The following PDS5A variants were observed in gnomAD, a reference collection of about 807,000 sequenced individuals.
PDS5A encodes the protein sister chromatid cohesion protein PDS5 homolog A.
Under a neutral mutation model 167.1 loss-of-function variants are expected in PDS5A, and 42 were observed. That is an observed-to-expected ratio of 0.25 (90% CI 0.20 to 0.33). The LOEUF (loss-of-function observed/expected upper bound fraction) is 0.33, where lower values mean the gene tolerates loss of function less well. Among genes scored for constraint, PDS5A ranks in the 10% least tolerant of loss-of-function variants. PDS5A has a pLI of 1.00. For missense variants in PDS5A, 1,033 were observed against 1,605.9 expected, an observed-to-expected ratio of 0.64 and a Z score of 6.10; for synonymous variants, 553 against 554.6, an observed-to-expected ratio of 1.00 and a Z score of 0.04.
At chr4:39,850,445 C>A (rs1310855485) in intron 26 of PDS5A, among the ~76,000 whole-genome samples, 1 of 151,968 alleles carries the variant, frequency 6.6e-6, no homozygotes, top group Admixed American at 6.6e-5. Context: ...CACTGCACTC[C>A]AGCCTGGGCA....
At position 39,898,804 on chromosome 4, in the gene PDS5A, T is replaced by C. The variant is rs1722635460; in HGVS notation, c.1603A>G (p.Met535Val). 6.3e-7 allele frequency: 1 copy of C among 1,592,408 alleles called. No individual in the cohort carries two copies. Among genetic ancestry groups the C allele is most frequent in the Non-Finnish European group, 8.6e-7 (1 of 1,166,876 alleles). Residue 535 changes from methionine (M) to valine (V), a missense_variant, in exon 15 of 33, where the codon ATG becomes GTG. Physicochemically the swap from Met to Val is conservative, Grantham distance 21. Transcript: ENST00000303538. ...QPTSEANCSAMFGKLMTIAKN... is the reference protein window; with the variant it reads ...QPTSEANCSAVFGKLMTIAKN... ...GCTATGGTCATCAGTTTTCCAAACA[T>C]GGCAGAACAGTTAGCCTCTGACTGA... is the stretch of plus-strand genomic sequence containing the variant.
chr4:39,878,318 G>A (rs1007720930), intron 18 of PDS5A, among the ~76,000 whole-genome samples: 9 of 152,206 alleles, frequency 5.9e-5, no homozygotes, highest in African/African-American at 9.6e-5. Context: ...TCTACTGGCC[G>A]GGCGCGGTGG....
In PDS5A at chr4:39,898,542, A is replaced by G. The variant is rs1179688811; in HGVS notation, c.1631-14T>C. On this transcript the variant is annotated splice_polypyrimidine_tract_variant and intron_variant, in intron 15 of 32. Transcript: ENST00000303538. ...CAGGCAAATTCTCTATAAAATTAAA[A>G]GAGAATCAATATTAGAGAAGGAAAA... 2 of 1,498,082 alleles carry G rather than the reference A, an allele frequency of 1.3e-6. No individual in the cohort carries two copies. Among genetic ancestry groups the G allele is most frequent in the Non-Finnish European group, 1.8e-6 (2 of 1,111,544 alleles). 92.8% of individuals were successfully genotyped at this position (1,498,082 alleles called of 1,614,324 possible).
intron 16 of PDS5A, among the ~76,000 whole-genome samples, chr4:39,891,695 A>C (rs564899826): frequency 3.4e-4 from 51 of 152,220 alleles, no homozygotes; most frequent in Admixed American, 2.0e-3. Context: ...TATACTTGCA[A>C]AATTTTTCAG....
chr4:39,852,155 T>G (rs979404430), intron 26 of PDS5A, among the ~76,000 whole-genome samples: 1 of 152,180 alleles, frequency 6.6e-6, no homozygotes, highest in Non-Finnish European at 1.5e-5. Flanking sequence ...CTATCTAACA[T>G]GAACCAATTG....
intron 2 of PDS5A, among the ~76,000 whole-genome samples, chr4:39,968,435 T>A (rs1418739393): frequency 1.4e-5 from 2 of 144,452 alleles, no homozygotes; most frequent in African/African-American, 2.6e-5. Flanking sequence ...TAATATTAAT[T>A]TTTTTTTTTT....
At chr4:39,906,542 TA>T (rs1447737591) in intron 11 of PDS5A, among the ~76,000 whole-genome samples, 5 of 149,318 alleles carry the variant, frequency 3.3e-5, no homozygotes, top group South Asian at 2.1e-4. Context: ...AAGGAGACCA[TA>T]AAAACTTAGA....
chr4:39,931,655 T>C (rs922118673), intron 2 of PDS5A, among the ~76,000 whole-genome samples: 1 of 152,104 alleles, frequency 6.6e-6, no homozygotes, highest in Non-Finnish European at 1.5e-5. Flanking sequence ...AGAGAGCAAA[T>C]ATGAAGTGGC....
chr4:39,925,400 T>A (rs1017767105), intron 5 of PDS5A, among the ~76,000 whole-genome samples: 42 of 152,180 alleles, frequency 2.8e-4, no homozygotes, highest in African/African-American at 1.0e-3. Flanking sequence ...GCTTAAAGAC[T>A]GAGCTATTAC....
At chr4:39,875,321 T>C (rs1019412995) in intron 19 of PDS5A, among the ~76,000 whole-genome samples, 3 of 152,290 alleles carry the variant, frequency 2.0e-5, no homozygotes, top group South Asian at 2.1e-4. Context: ...AAAGTATATA[T>C]ATCAAATGTT....
chr4:39,910,020 A>G (rs973704540), intron 10 of PDS5A: 2 of 376,754 alleles, frequency 5.3e-6, no homozygotes, highest in Non-Finnish European at 4.8e-6. Context: ...ACTTGAGCCC[A>G]GGAGTGAAAG....
chr4:39,882,174 A>G (rs931245038), intron 17 of PDS5A, among the ~76,000 whole-genome samples: 13 of 152,164 alleles, frequency 8.5e-5, no homozygotes, highest in African/African-American at 3.1e-4. Context: ...AAATGTAAAA[A>G]TCTGAATTTG....
intron 18 of PDS5A, among the ~76,000 whole-genome samples, 164 bp from the exon 19 acceptor site, chr4:39,877,317 A>AATCAGACATT (rs5857703): frequency 0.99 from 150,388 of 152,224 alleles, 74,294 homozygotes; most frequent in East Asian, 1. Context: ...AGTTATGGCT[A>AATCAGACATT]ATCAGAAATA....
intron 26 of PDS5A, among the ~76,000 whole-genome samples, chr4:39,850,752 A>G (rs34679344): frequency 0.22 from 33,642 of 152,230 alleles, 4,716 homozygotes; most frequent in Middle Eastern, 0.33. Flanking sequence ...TTCATTTAAC[A>G]CATTGTGTCT....
intron 13 of PDS5A, among the ~76,000 whole-genome samples, chr4:39,901,658 C>T (rs1175727135): frequency 1.3e-5 from 2 of 152,128 alleles, no homozygotes; most frequent in Non-Finnish European, 1.5e-5. Flanking sequence ...AATTCTCTCT[C>T]TTTTTTAAGA....
At chr4:39,912,367 T>C (rs1411758186) in intron 9 of PDS5A, among the ~76,000 whole-genome samples, 3 of 152,220 alleles carry the variant, frequency 2.0e-5, no homozygotes, top group African/African-American at 4.8e-5. Context: ...CAAAAAATAT[T>C]TGATGTCCAT....
At chr4:39,954,670 TAAAAAAAA>T (rs777287409) in intron 2 of PDS5A, among the ~76,000 whole-genome samples, 26 of 48,282 alleles carry the variant, frequency 5.4e-4, no homozygotes, top group East Asian at 5.3e-3. Flanking sequence ...AAGAGATAAG[TAAAAAAAA>T]AAAAAAAAAA....
Position 39,877,159 on chromosome 4 carries a change from A to G in PDS5A, c.1993-6T>C. On this transcript the variant is annotated splice_region_variant and splice_polypyrimidine_tract_variant and intron_variant, in intron 18 of 32. Transcript: ENST00000303538. ...GGATGTGTAAAAGACAGAACCTGAA[A>G]AAACAGATACAGCTTTAGAAGTACA... 1.3e-6 allele frequency: 2 copies of G among 1,539,236 alleles called. No homozygotes were observed. The highest frequency in any genetic ancestry group is 2.0e-5 in the Admixed American group (1 of 49,836).
rs200378698 is a variant in PDS5A, at chr4:39,909,053, A to C, written c.1088-513T>G. On this transcript the variant is annotated intron_variant, in intron 10 of 32. Transcript: ENST00000303538. ...CGCCCTGTATCAAAAAATAAAATAAAATAAAATAAAATAAAATAAAATAAA... is the reference window on the plus strand; with the variant it reads ...CGCCCTGTATCAAAAAATAAAATAACATAAAATAAAATAAAATAAAATAAA... 2.0e-3 allele frequency among the ~76,000 whole-genome samples: 236 copies of C among 118,104 alleles called. 1 individual carries two copies. The highest frequency in any genetic ancestry group is 2.5e-3 in the East Asian group (8 of 3,154). The allele number at this position is 118,104 out of a possible 152,430, so 77.5% of individuals were successfully genotyped here. A position where few individuals can be genotyped will look rare whatever the true frequency, so the allele number is the denominator to read the frequency against.
Sources: gnomAD v4.1 joint callset for allele counts (sites outside exome capture counted in the v4.1 genomes callset) on GRCh38, gnomAD v4.1.1 for gene constraint, MANE v1.5 for transcripts, NCBI Gene and HGNC (gene_info 2026-07-23, HGNC 2026-07-21) for gene names.